The following PSD4 variants were observed in gnomAD, a reference collection of about 807,000 sequenced individuals.
PSD4 encodes PH and SEC7 domain-containing protein 4.
A neutral mutation model predicts 112.5 loss-of-function variants in PSD4; 59 were observed. That is an observed-to-expected ratio of 0.52 (90% CI 0.43 to 0.65). PSD4 has a LOEUF of 0.65. PSD4 is among the 30% of genes least tolerant of loss of function. The pLI is 0.00. For missense variants in PSD4, 1,267 were observed against 1,352.6 expected (o/e 0.94, Z 0.99); for synonymous variants, 533 against 540.0 (o/e 0.99, Z 0.18).
intron 1 of PSD4, chr2:113,175,248 C>T (rs1162808029): frequency 6.5e-6 from 1 of 153,046 alleles, no homozygotes; most frequent in Non-Finnish European, 1.5e-5. Flanking sequence ...CGTGATCTCT[C>T]CCCTGGATAC....
chr2:113,198,808 C>T lies in PSD4; in HGVS notation c.2693C>T (p.Pro898Leu). 1 of 1,586,148 alleles carries T rather than the reference C, an allele frequency of 6.3e-7. No individual in the cohort carries two copies. Among genetic ancestry groups the T allele is most frequent in the Non-Finnish European group, 8.6e-7 (1 of 1,169,286 alleles). ...GCTGCGGCCACGCACTCCGCGCCGCCCTTCCCCGCCGCTGTGGGCTCCCAG... is the reference window on the plus strand; with the variant it reads ...GCTGCGGCCACGCACTCCGCGCCGCTCTTCCCCGCCGCTGTGGGCTCCCAG... ...NLAAATHSAP[P>L]FPAAVGSQRR... Residue 898 changes from proline (P) to leucine (L), a missense_variant, in exon 15 of 17, where the codon CCC becomes CTC. Pro to Leu is a moderately conservative substitution (Grantham distance 98, BLOSUM62 -3). Transcript: ENST00000245796.
At chr2:113,184,850 CTG>C (rs1396146857) in intron 2 of PSD4, 105 bp from the exon 3 acceptor site, 1 of 1,501,326 alleles carries the variant, frequency 6.7e-7, no homozygotes, top group African/African-American at 1.4e-5. Flanking sequence ...TCAGGGCAGA[CTG>C]TGAAGGGAGG....
chr2:113,193,795 C>A, intron 9 of PSD4, 64 bp from the exon 10 acceptor site: 2 of 1,579,066 alleles, frequency 1.3e-6, no homozygotes, highest in East Asian at 2.2e-5. Flanking sequence ...TGGTTGCTGG[C>A]TGGGAGGTTA....
rs1448511445 is a variant in PSD4, at chr2:113,174,015, G to C, written c.-151G>C. The C allele has an allele frequency of 2.0e-5, 3 of 152,518 alleles. No individual in the cohort carries two copies. The highest frequency in any genetic ancestry group is 4.4e-5 in the Non-Finnish European group (3 of 68,258). 9.4% of individuals were successfully genotyped at this position (152,518 alleles called of 1,614,324 possible). On this transcript the variant is annotated 5_prime_UTR_variant, in exon 1 of 17. Transcript: ENST00000245796. ...ACTGTGAGCCAGGAAGTGCTCTTGG[G>C]GAGCCCAGGCCAAGCCATCCATTCT... is the stretch of plus-strand genomic sequence containing the variant.
intron 16 of PSD4, among the ~76,000 whole-genome samples, chr2:113,199,546 A>T (rs1408457469): frequency 6.6e-6 from 1 of 152,206 alleles, no homozygotes; most frequent in Non-Finnish European, 1.5e-5. Context: ...TCCTAAGAGT[A>T]TATTTGGCTT....
rs1024665699 is a variant in PSD4, at chr2:113,203,702, G to C, written c.*2287G>C. ...AGCCTCCCAAGTAGCTAGGATTACA[G>C]GCGTGTGCCACCACGCCCGGCTATT... On this transcript the variant is annotated 3_prime_UTR_variant, in exon 17 of 17. Coordinates refer to ENST00000245796, the MANE Select transcript of PSD4 (RefSeq NM_012455.3). The C allele has an allele frequency of 2.0e-5, 3 of 151,922 alleles. No individual in the cohort carries two copies. Among genetic ancestry groups the C allele is most frequent in the African/African-American group, 7.3e-5 (3 of 41,310 alleles). The allele number at this position is 151,922 out of a possible 1,614,324, so 9.4% of individuals were successfully genotyped here.
rs149806578 is a variant in PSD4, at chr2:113,193,302, G to A, written c.1964G>A (p.Arg655Gln). ...GTGCTCAGTGGGGAGACTCAGGAAC[G>A]GGAGCGAATCCTCTACCAGTTCTCC... ...ALVLSGETQE[R>Q]ERILYQFSRR... is the part of the protein sequence containing the mutation. The change falls in exon 8 of 17, where the codon CGG becomes CAG. Residue 655 changes from arginine (R) to glutamine (Q), a missense_variant. By Grantham distance (43) the Arg-to-Gln change is conservative (BLOSUM62 1). Coordinates refer to ENST00000245796, the MANE Select transcript of PSD4 (RefSeq NM_012455.3). The A allele has an allele frequency of 7.5e-6, 12 of 1,596,644 alleles. No homozygotes were observed. The highest frequency in any genetic ancestry group is 3.7e-5 in the Admixed American group (2 of 54,112).
chr2:113,193,355 A>T lies in PSD4; in HGVS notation c.2017A>T (p.Ile673Phe), dbSNP rs922896377. The T allele has an allele frequency of 1.9e-6, 3 of 1,605,230 alleles. No homozygotes were observed. Among genetic ancestry groups the T allele is most frequent in the Non-Finnish European group, 2.5e-6 (3 of 1,177,562 alleles). ...ACGCTTCCACCATTGCAATCCGGGG[A>T]TCTTCCCCTCAGTAGGTAGGGAGGG... ...SRRFHHCNPG[I>F]FPSVDSVHTL... The change falls in exon 8 of 17, where the codon ATC becomes TTC. Residue 673 changes from isoleucine (I) to phenylalanine (F), a missense_variant. By Grantham distance (21) the Ile-to-Phe change is conservative. Transcript: ENST00000245796.
chr2:113,189,120 T>C (rs1183528540), intron 5 of PSD4, among the ~76,000 whole-genome samples: 1 of 152,174 alleles, frequency 6.6e-6, no homozygotes, highest in Non-Finnish European at 1.5e-5. Context: ...CTTTGCATCC[T>C]CATAGCTTAG....
At chr2:113,176,547 A>G (rs1687986519) in intron 1 of PSD4, among the ~76,000 whole-genome samples, 1 of 152,044 alleles carries the variant, frequency 6.6e-6, no homozygotes. Flanking sequence ...TCCCCTCTGA[A>G]CCCTCCTTAA....
chr2:113,189,698 T>C (rs1259807972), intron 5 of PSD4, among the ~76,000 whole-genome samples: 2 of 152,344 alleles, frequency 1.3e-5, no homozygotes, highest in Non-Finnish European at 1.5e-5. Context: ...TTTTTGATTA[T>C]GGACATTCTT....
intron 10 of PSD4, 74 bp from the exon 11 acceptor site, chr2:113,195,653 C>A: frequency 1.3e-6 from 2 of 1,569,808 alleles, no homozygotes; most frequent in South Asian, 2.2e-5. Context: ...CCCTATCCTA[C>A]CTCTGCCAGA....
In PSD4 at chr2:113,185,020, T is replaced by A. The variant is rs541476263; in HGVS notation, c.1120T>A (p.Ser374Thr). 1.2e-6 allele frequency: 2 copies of A among 1,614,284 alleles called. No homozygotes were observed. Among genetic ancestry groups the A allele is most frequent in the East Asian group, 4.5e-5 (2 of 44,888 alleles). The change falls in exon 3 of 17, where the codon TCA becomes ACA. Residue 374 changes from serine to threonine, a missense_variant. Transcript: ENST00000245796. Reference sequence around the variant, plus strand: ...TGTGGACGAAGCATTGACCTGGGAATCAGGATGTGTCGGATCTGATCTTGG... The same window carrying A: ...TGTGGACGAAGCATTGACCTGGGAAACAGGATGTGTCGGATCTGATCTTGG... ...PCVDEALTWESGCVGSDLGPA... is the reference protein window; with the variant it reads ...PCVDEALTWETGCVGSDLGPA...
rs1249525478 is a variant in PSD4 at position 113,201,319 on chromosome 2, G to A, written c.3075G>A (p.Gln1025=). Residue 1025 remains glutamine (Q), a synonymous_variant, in exon 17 of 17, where the codon CAG becomes CAA. Coordinates refer to ENST00000245796, the MANE Select transcript of PSD4 (RefSeq NM_012455.3). The part of the protein sequence containing the change: ...KKSHSSPSLH[Q]DEAPTTAKVK... The stretch of plus-strand genomic sequence containing the variant: ...CCCACTCGAGCCCGTCCCTGCACCA[G>A]GATGAGGCTCCCACCACGGCCAAGG... 2 of 1,614,176 alleles carry A rather than the reference G, an allele frequency of 1.2e-6. No homozygotes were observed. Among genetic ancestry groups the A allele is most frequent in the South Asian group, 2.2e-5 (2 of 91,076 alleles).
At chr2:113,198,925 A>G (rs1321517592) in intron 15 of PSD4, 41 bp downstream of exon 15, 1 of 1,543,040 alleles carries the variant, frequency 6.5e-7, no homozygotes, top group South Asian at 1.2e-5. Context: ...CGGAACTGGG[A>G]ATGTGCACCT....
intron 10 of PSD4, among the ~76,000 whole-genome samples, chr2:113,195,413 C>A (rs1019618827): frequency 6.6e-6 from 1 of 152,114 alleles, no homozygotes; most frequent in African/African-American, 2.4e-5. Flanking sequence ...CCACCCGCCT[C>A]GGCCTCCCAA....
chr2:113,181,865 G>A (rs771781730), intron 1 of PSD4, among the ~76,000 whole-genome samples: 5 of 152,206 alleles, frequency 3.3e-5, no homozygotes, highest in Non-Finnish European at 5.9e-5. Flanking sequence ...TTCATGTCGT[G>A]GGTGCCTGCT....
At chr2:113,180,674 C>T (rs1013459501) in intron 1 of PSD4, among the ~76,000 whole-genome samples, 4 of 146,442 alleles carry the variant, frequency 2.7e-5, no homozygotes, top group African/African-American at 5.1e-5. Flanking sequence ...AACAGCGACA[C>T]GCAGGGGACT....
chr2:113,179,310 A>G (rs45469991), intron 1 of PSD4, among the ~76,000 whole-genome samples: 12 of 152,300 alleles, frequency 7.9e-5, no homozygotes, highest in Non-Finnish European at 1.5e-4. Context: ...GGAGTAAACC[A>G]TACAAATCCT....
Sources: gnomAD v4.1 joint callset for allele counts (sites outside exome capture counted in the v4.1 genomes callset) on GRCh38, gnomAD v4.1.1 for gene constraint, MANE v1.5 for transcripts, NCBI Gene and HGNC (gene_info 2026-07-23, HGNC 2026-07-21) for gene names.